SLC6A17: variants seen among roughly 807,000 people sequenced by gnomAD.
SLC6A17 encodes solute carrier family 6 member 17.
Under a neutral mutation model 64.5 loss-of-function variants are expected in SLC6A17, and 21 were observed. That is an observed-to-expected ratio of 0.33 (90% confidence interval 0.23 to 0.47). The LOEUF (loss-of-function observed/expected upper bound fraction) is 0.47, where lower values mean the gene tolerates loss of function less well. Among genes scored for constraint, SLC6A17 ranks in the 20% least tolerant of loss-of-function variants. SLC6A17 has a pLI of 1.00. For missense variants in SLC6A17, 682 were observed against 963.2 expected (o/e 0.71, Z 3.86); for synonymous variants, 372 against 399.5 (o/e 0.93, Z 0.82).
rs1282099286 is a variant in SLC6A17 at position 110,180,142 on chromosome 1, G to A, written c.864+3403G>A. On this transcript the variant is annotated intron_variant, in intron 6 of 11. Coordinates refer to ENST00000331565, the MANE Select transcript of SLC6A17 (RefSeq NM_001010898.4). ...AAAGTGACTCTCCCGAAGCTACACA[G>A]CTGGCAAGAAGCAGAGGCAAACCTG... Among the ~76,000 whole-genome samples, 3 of 152,200 alleles carry A rather than the reference G, an allele frequency of 2.0e-5. 1 individual carries two copies. The highest frequency in any genetic ancestry group is 2.0e-4 in the Admixed American group (3 of 15,284).
chr1:110,174,166 C>A, intron 4 of SLC6A17, 67 bp downstream of exon 4: 1 of 1,576,018 alleles, frequency 6.3e-7, no homozygotes, highest in Non-Finnish European at 8.6e-7. Flanking sequence ...ACAAGCTTAG[C>A]GCACACATTT....
chr1:110,163,129 A>G (rs1655962276), intron 1 of SLC6A17, among the ~76,000 whole-genome samples: 2 of 150,716 alleles, frequency 1.3e-5, no homozygotes, highest in Non-Finnish European at 2.9e-5. Context: ...CCGTGTTTTT[A>G]TTAATAATAA....
intron 2 of SLC6A17, among the ~76,000 whole-genome samples, chr1:110,170,924 G>A (rs879365469): frequency 1.3e-5 from 2 of 152,154 alleles, no homozygotes; most frequent in Non-Finnish European, 2.9e-5. Flanking sequence ...GGCAGATCGT[G>A]AACTGTTCTA....
At position 110,198,325 on chromosome 1, in the gene SLC6A17, C is replaced by A; in HGVS notation, c.2065C>A (p.Pro689Thr). ...KVPSEAPSPM[P>T]THRSYLGPGS... ...GCCCAGTGAGGCACCTTCCCCCATG[C>A]CCACTCACCGTTCCTATCTGGGGCC... The change falls in exon 12 of 12, where the codon CCC becomes ACC. Residue 689 changes from proline to threonine, a missense_variant. Around this residue, in one of 3 missense-constraint regions of SLC6A17, gnomAD observed 264 missense variants for 339.5 expected, o/e 0.78. Transcript: ENST00000331565. 1 of 1,614,206 alleles carries A rather than the reference C, an allele frequency of 6.2e-7. No homozygotes were observed. Among genetic ancestry groups the A allele is most frequent in the Non-Finnish European group, 8.5e-7 (1 of 1,180,024 alleles).
intron 6 of SLC6A17, among the ~76,000 whole-genome samples, chr1:110,182,241 G>A (rs1370375352): frequency 6.6e-6 from 1 of 152,190 alleles, no homozygotes; most frequent in East Asian, 1.9e-4. Context: ...GAGGAGTCAA[G>A]GATGACTGTG....
intron 6 of SLC6A17, among the ~76,000 whole-genome samples, chr1:110,185,585 G>C (rs972674970): frequency 3.3e-5 from 5 of 152,234 alleles, no homozygotes; most frequent in Admixed American, 1.3e-4. Flanking sequence ...GCAGGAAGCT[G>C]TTCCTCTGTT....
At chr1:110,175,573 A>G (rs1466466915) in intron 5 of SLC6A17, among the ~76,000 whole-genome samples, 1 of 152,194 alleles carries the variant, frequency 6.6e-6, no homozygotes, top group Non-Finnish European at 1.5e-5. Flanking sequence ...TGGATTAGAG[A>G]TCCTGTATCC....
chr1:110,185,002 G>C (rs1030926538), intron 6 of SLC6A17, among the ~76,000 whole-genome samples: 1 of 152,134 alleles, frequency 6.6e-6, no homozygotes, highest in Non-Finnish European at 1.5e-5. Flanking sequence ...GAAGGCCCAG[G>C]GGTGGAGGTT....
chr1:110,194,887 C>T, intron 9 of SLC6A17, 116 bp downstream of exon 9: 1 of 1,254,346 alleles, frequency 8.0e-7, no homozygotes, highest in African/African-American at 1.5e-5. Context: ...CTCCACCCCA[C>T]ACTGGGACAC....
rs2101833562 is a variant in SLC6A17, at chr1:110,150,687, A to G, written c.-284A>G. The G allele has an allele frequency of 6.6e-6, 1 of 152,228 alleles. No individual in the cohort carries two copies. The highest frequency in any genetic ancestry group is 2.4e-5 in the African/African-American group (1 of 41,562). 9.4% of individuals were successfully genotyped at this position (152,228 alleles called of 1,614,324 possible). On this transcript the variant is annotated 5_prime_UTR_variant, in exon 1 of 12. Transcript: ENST00000331565. ...CCCGAGCGCGCGGCGGGCGGGAGCC[A>G]GGTTGGGACTGGTGGTGAGGCAGGG...
chr1:110,171,932 C>T, intron 2 of SLC6A17, 128 bp from the exon 3 acceptor site: 5 of 1,246,306 alleles, frequency 4.0e-6, no homozygotes, highest in Non-Finnish European at 5.6e-6. Flanking sequence ...TGGAGGAGCA[C>T]CGGGACTGGT....
chr1:110,184,595 G>A (rs1177024379), intron 6 of SLC6A17, among the ~76,000 whole-genome samples: 1 of 152,194 alleles, frequency 6.6e-6, no homozygotes, highest in Non-Finnish European at 1.5e-5. Context: ...GGCTATGAGT[G>A]GGCAACAGCA....
Position 110,157,357 on chromosome 1 carries a change from G to A in SLC6A17, c.-88+6474G>A, listed in dbSNP as rs149699349. On this transcript the variant is annotated intron_variant, in intron 1 of 11. Coordinates refer to ENST00000331565, the MANE Select transcript of SLC6A17 (RefSeq NM_001010898.4). ...TGGGAGGCCGAGGGAGGTAAATCACGAGGTCAGGAGATCCAGACCATCCTT... is the reference window on the plus strand; with the variant it reads ...TGGGAGGCCGAGGGAGGTAAATCACAAGGTCAGGAGATCCAGACCATCCTT... Among the ~76,000 whole-genome samples the A allele has an allele frequency of 9.2e-5, 14 of 152,188 alleles. 1 individual carries two copies. The East Asian group carries it at 1.9e-3, about 21-fold the overall frequency.
In SLC6A17 at chr1:110,198,084, G is replaced by A; in HGVS notation, c.1824G>A (p.Glu608=). ...AGGCAGCCCACCCGCAGGCTGCCGA[G>A]CGCTACCTGTATTTCCCCAACTGGG... The part of the protein sequence containing the change: ...YSAWIKEEAA[E]RYLYFPNWAM... The change falls in exon 12 of 12, where the codon GAG becomes GAA. Residue 608 remains glutamate (E), a synonymous_variant. Coordinates refer to ENST00000331565, the MANE Select transcript of SLC6A17 (RefSeq NM_001010898.4). The A allele has an allele frequency of 1.2e-6, 2 of 1,611,522 alleles. No individual in the cohort carries two copies. Among genetic ancestry groups the A allele is most frequent in the Non-Finnish European group, 1.7e-6 (2 of 1,178,842 alleles).
rs1331627232 is a variant in SLC6A17, at chr1:110,167,015, A to G, written c.86A>G (p.Glu29Gly). The G allele has an allele frequency of 6.2e-7, 1 of 1,613,078 alleles. No individual in the cohort carries two copies. Among genetic ancestry groups the G allele is most frequent in the African/African-American group, 1.3e-5 (1 of 74,726 alleles). The change falls in exon 2 of 12, where the codon GAG becomes GGG. Residue 29 changes from glutamate (E) to glycine (G), a missense_variant. Glu to Gly is a moderately conservative substitution (Grantham distance 98, BLOSUM62 -2). Transcript: ENST00000331565. ...GTGGCCGACCTGCTGGCCCTCGAGG[A>G]GCCTGTGGACTATAAGCAGAGTGTA... ...ESVADLLALEEPVDYKQSVLN... is the reference protein window; with the variant it reads ...ESVADLLALEGPVDYKQSVLN...
Position 110,194,580 on chromosome 1 carries a change from C to T in SLC6A17, c.1301C>T (p.Ser434Phe), listed in dbSNP as rs1246043318. ...PCLLEDELDK[S>F]VQGTGLAFIA... ...CCCTGCTTTCCACCCCACCTTCAGTCCGTGCAGGGCACAGGCCTGGCCTTC... is the reference window on the plus strand; with the variant it reads ...CCCTGCTTTCCACCCCACCTTCAGTTCGTGCAGGGCACAGGCCTGGCCTTC... The change falls in exon 9 of 12, where the codon TCC (serine) becomes TTC (phenylalanine). Residue 434 changes from serine (S) to phenylalanine (F), a missense_variant and splice_region_variant. By Grantham distance (155) the Ser-to-Phe change is radical. Transcript: ENST00000331565. The T allele has an allele frequency of 6.2e-7, 1 of 1,613,486 alleles. No homozygotes were observed. Among genetic ancestry groups the T allele is most frequent in the Non-Finnish European group, 8.5e-7 (1 of 1,179,498 alleles).
intron 6 of SLC6A17, among the ~76,000 whole-genome samples, chr1:110,184,172 G>A (rs1028063829): frequency 2.0e-5 from 3 of 152,160 alleles, no homozygotes; most frequent in South Asian, 2.1e-4. Context: ...GTGCAGTGGC[G>A]TGATCTTGGC....
intron 1 of SLC6A17, among the ~76,000 whole-genome samples, chr1:110,161,607 C>A (rs1037007505): frequency 6.6e-6 from 1 of 152,064 alleles, no homozygotes; most frequent in East Asian, 1.9e-4. Context: ...GATGGTGGCT[C>A]CCCCACTCAC....
intron 2 of SLC6A17, among the ~76,000 whole-genome samples, chr1:110,168,687 C>T (rs564827432): frequency 5.3e-5 from 8 of 152,322 alleles, no homozygotes; most frequent in African/African-American, 9.6e-5. Flanking sequence ...CTTCAAAGGA[C>T]GTGTGGCATT....
Sources: gnomAD v4.1 joint callset for allele counts (sites outside exome capture counted in the v4.1 genomes callset) on GRCh38, gnomAD v4.1.1 for gene constraint, gnomAD v4.1.1 regional missense constraint, MANE v1.5 for transcripts, NCBI Gene and HGNC (gene_info 2026-07-23, HGNC 2026-07-21) for gene names.